SND1: variants seen among roughly 807,000 people sequenced by gnomAD.
SND1 encodes the protein staphylococcal nuclease and tudor domain containing 1.
Under a neutral mutation model 121.7 loss-of-function variants are expected in SND1, and 38 were observed. That is an observed-to-expected ratio of 0.31 (90% confidence interval 0.24 to 0.41). SND1 has a LOEUF of 0.41. Ranked by LOEUF, SND1 falls within the 10% of genes least tolerant of loss-of-function variation. The pLI is 1.00. For missense variants in SND1, 868 were observed against 1,184.6 expected, an observed-to-expected ratio of 0.73 and a Z score of 3.92; for synonymous variants, 401 against 447.4, an observed-to-expected ratio of 0.90 and a Z score of 1.31.
At chr7:128,010,951 G>A (rs1041320259) in intron 16 of SND1, among the ~76,000 whole-genome samples, 1 of 152,196 alleles carries the variant, frequency 6.6e-6, no homozygotes, top group Non-Finnish European at 1.5e-5. Context: ...GACGCCCTCA[G>A]CAGAGGTATT....
At chr7:127,960,176 ATTG>A (rs1801698606) in intron 15 of SND1, among the ~76,000 whole-genome samples, 2 of 152,224 alleles carry the variant, frequency 1.3e-5, no homozygotes, top group African/African-American at 4.8e-5. Context: ...CAATATTATC[ATTG>A]CTGTCACAGA....
intron 10 of SND1, among the ~76,000 whole-genome samples, chr7:127,775,706 TG>T (rs1179959258): frequency 6.6e-6 from 1 of 152,096 alleles, no homozygotes; most frequent in Non-Finnish European, 1.5e-5. Flanking sequence ...TTTTTTCTCA[TG>T]TTGGTGCTAG....
At chr7:127,758,011 C>T (rs573967569) in intron 10 of SND1, among the ~76,000 whole-genome samples, 2 of 152,190 alleles carry the variant, frequency 1.3e-5, no homozygotes, top group South Asian at 2.1e-4. Flanking sequence ...TGTAAGCAAT[C>T]GCTATGCCGC....
intron 10 of SND1, among the ~76,000 whole-genome samples, chr7:127,752,509 A>C (rs1382698777): frequency 1.3e-5 from 2 of 152,222 alleles, no homozygotes; most frequent in African/African-American, 4.8e-5. Context: ...TAGTGCTGGA[A>C]TTTTAGGTAG....
intron 13 of SND1, among the ~76,000 whole-genome samples, chr7:127,893,286 A>G (rs1345283): frequency 0.23 from 34,206 of 151,992 alleles, 4,288 homozygotes; most frequent in Middle Eastern, 0.33. Context: ...TGTTATGGAC[A>G]CTGAATACAA....
At chr7:127,872,641 C>A (rs973075617) in intron 12 of SND1, among the ~76,000 whole-genome samples, 1 of 148,850 alleles carries the variant, frequency 6.7e-6, no homozygotes, top group Non-Finnish European at 1.5e-5. Flanking sequence ...CACACACACA[C>A]ACACACACAC....
chr7:127,820,067 C>T (rs1798518769), intron 11 of SND1, among the ~76,000 whole-genome samples: 1 of 152,216 alleles, frequency 6.6e-6, no homozygotes, highest in African/African-American at 2.4e-5. Context: ...CATTCTTTCT[C>T]CACCTCTGCT....
At chr7:128,074,816 C>G (rs1479116377) in intron 17 of SND1, 126 bp downstream of exon 17, 2 of 933,266 alleles carry the variant, frequency 2.1e-6, no homozygotes, top group Non-Finnish European at 3.2e-6. Flanking sequence ...AGGTGTTGGT[C>G]TCAGACCCCA....
chr7:127,883,130 G>A (rs149914062), intron 12 of SND1, among the ~76,000 whole-genome samples: 80 of 152,240 alleles, frequency 5.3e-4, no homozygotes, highest in Middle Eastern at 3.4e-3. Flanking sequence ...AGGCAGTCTT[G>A]CCCAAAAGAT....
intron 10 of SND1, among the ~76,000 whole-genome samples, chr7:127,746,260 T>A (rs946484831): frequency 1.8e-4 from 27 of 152,352 alleles, no homozygotes; most frequent in Non-Finnish European, 3.5e-4. Context: ...GAAGTTCTTT[T>A]AAAAAATAGA....
intron 15 of SND1, among the ~76,000 whole-genome samples, chr7:127,934,939 C>T (rs564885679): frequency 2.0e-5 from 3 of 152,198 alleles, no homozygotes; most frequent in African/African-American, 2.4e-5. Context: ...AGAGAAGATA[C>T]GGTCAGAGCA....
chr7:127,831,907 AC>A (rs34084538), intron 11 of SND1, among the ~76,000 whole-genome samples: 43,146 of 151,978 alleles, frequency 0.28, 7,686 homozygotes, highest in East Asian at 0.7. Context: ...TTATAATTGC[AC>A]CTTTGAAGAT....
chr7:127,982,473 G>T (rs1409871522), intron 15 of SND1, among the ~76,000 whole-genome samples: 1 of 152,068 alleles, frequency 6.6e-6, no homozygotes, highest in African/African-American at 2.4e-5. Flanking sequence ...CCTTTATTCT[G>T]ATCATTGAAA....
intron 11 of SND1, among the ~76,000 whole-genome samples, chr7:127,821,105 T>G (rs1798539076): frequency 6.6e-6 from 1 of 152,224 alleles, no homozygotes; most frequent in Non-Finnish European, 1.5e-5. Context: ...TTTAGAACTC[T>G]CTGCCTTCTT....
chr7:128,047,864 T>G (rs952223867), intron 16 of SND1, among the ~76,000 whole-genome samples: 1 of 152,086 alleles, frequency 6.6e-6, no homozygotes, highest in Non-Finnish European at 1.5e-5. Context: ...TTTTTTTTTT[T>G]GAGACGAAAT....
intron 15 of SND1, among the ~76,000 whole-genome samples, chr7:127,970,128 G>T (rs997698287): frequency 6.6e-6 from 1 of 152,146 alleles, no homozygotes; most frequent in Non-Finnish European, 1.5e-5. Flanking sequence ...TGATAATACA[G>T]CTATTTCCTA....
intron 15 of SND1, among the ~76,000 whole-genome samples, chr7:127,975,747 G>T (rs772160667): frequency 6.6e-6 from 1 of 152,154 alleles, no homozygotes; most frequent in African/African-American, 2.4e-5. Context: ...TACAGAAGGG[G>T]TGGCTCCTCT....
chr7:127,724,249 A>T (rs111807547), intron 10 of SND1, among the ~76,000 whole-genome samples: 1 of 152,210 alleles, frequency 6.6e-6, no homozygotes, highest in African/African-American at 2.4e-5. Flanking sequence ...AGAGTTTAGG[A>T]GAGTGCATAG....
intron 10 of SND1, among the ~76,000 whole-genome samples, chr7:127,748,686 A>G (rs1261618487): frequency 6.6e-6 from 1 of 152,236 alleles, no homozygotes; most frequent in Non-Finnish European, 1.5e-5. Context: ...GAACAAAACT[A>G]CATGAATTGG....
Sources: allele counts gnomAD v4.1 joint callset (sites outside exome capture counted in the v4.1 genomes callset), GRCh38; gene constraint gnomAD v4.1.1; transcripts MANE v1.5; gene names NCBI Gene and HGNC (gene_info 2026-07-23, HGNC 2026-07-21).